PDE4B: variants seen among roughly 807,000 people sequenced by gnomAD.
The protein encoded by PDE4B is phosphodiesterase 4B.
Under a neutral mutation model 82.2 loss-of-function variants are expected in PDE4B, and 20 were observed. That is an observed-to-expected ratio of 0.24 (90% CI 0.17 to 0.35). The LOEUF is 0.35. Among genes scored for constraint, PDE4B ranks in the 10% least tolerant of loss-of-function variants. The pLI is 1.00. For missense variants in PDE4B, 655 were observed against 907.2 expected, an observed-to-expected ratio of 0.72 and a Z score of 3.57; for synonymous variants, 320 against 318.9, an observed-to-expected ratio of 1.00 and a Z score of -0.04.
intron 3 of PDE4B, among the ~76,000 whole-genome samples, chr1:66,152,712 T>G (rs1646428317): frequency 2.0e-5 from 3 of 151,386 alleles, no homozygotes; most frequent in Admixed American, 2.0e-4. Context: ...AGTTGTGGGA[T>G]CTGGCAAGTC....
At chr1:66,009,167 T>C (rs1042254518) in intron 3 of PDE4B, among the ~76,000 whole-genome samples, 4 of 152,194 alleles carry the variant, frequency 2.6e-5, no homozygotes, top group African/African-American at 9.6e-5. Flanking sequence ...TTTTTCTAAT[T>C]ACTCAGGTCA....
At chr1:66,256,861 T>C (rs1163554519) in intron 4 of PDE4B, among the ~76,000 whole-genome samples, 3 of 152,238 alleles carry the variant, frequency 2.0e-5, no homozygotes, top group Non-Finnish European at 4.4e-5. Context: ...GGCCTGATTT[T>C]GTGACTGTAG....
intron 8 of PDE4B, among the ~76,000 whole-genome samples, chr1:66,344,944 A>G (rs1364954052): frequency 6.6e-6 from 1 of 152,222 alleles, no homozygotes; most frequent in Non-Finnish European, 1.5e-5. Context: ...AGCATTAAAT[A>G]GCGTTATTCT....
intron 3 of PDE4B, among the ~76,000 whole-genome samples, chr1:65,945,206 G>A (rs1447084609): frequency 6.6e-6 from 1 of 151,918 alleles, no homozygotes; most frequent in Admixed American, 6.6e-5. Context: ...TTTCCCACTA[G>A]CACCTCAGTG....
At chr1:65,933,219 G>C (rs952982425) in intron 3 of PDE4B, among the ~76,000 whole-genome samples, 1 of 152,042 alleles carries the variant, frequency 6.6e-6, no homozygotes, top group Non-Finnish European at 1.5e-5. Flanking sequence ...AAAGTGATTT[G>C]TCATGTACAA....
intron 3 of PDE4B, among the ~76,000 whole-genome samples, chr1:66,048,575 G>T (rs1348711733): frequency 1.3e-5 from 2 of 152,002 alleles, no homozygotes; most frequent in East Asian, 3.9e-4. Flanking sequence ...ATAAACCACG[G>T]AACTTGTGGG....
rs530932815 is a variant in PDE4B, at chr1:66,013,262, C to A, written c.281+94427C>A. Among the ~76,000 whole-genome samples the A allele has an allele frequency of 2.6e-5, 4 of 152,032 alleles. No individual in the cohort carries two copies. The South Asian group carries it at 8.3e-4, about 32-fold the overall frequency. The stretch of plus-strand genomic sequence containing the variant: ...GTGAAATGATAACTGATTTTGCCAT[C>A]ATTTGAAAAAAAGGCAGAACCAAAG... On this transcript the variant is annotated intron_variant, in intron 3 of 16. Transcript: ENST00000341517.
At chr1:66,334,026 A>G (rs1379362148) in intron 8 of PDE4B, among the ~76,000 whole-genome samples, 1 of 152,186 alleles carries the variant, frequency 6.6e-6, no homozygotes, top group African/African-American at 2.4e-5. Flanking sequence ...TTGCTGTGTA[A>G]CTTCTCCAAA....
In PDE4B at chr1:66,106,102, G is replaced by T. The variant is rs2101036650; in HGVS notation, c.282-141358G>T. On this transcript the variant is annotated intron_variant, in intron 3 of 16. Coordinates refer to ENST00000341517, the MANE Select transcript of PDE4B (RefSeq NM_002600.4). ...TGTCATAGATAGCTCTTATTATTTT[G>T]AGATACATCCCATCAATACCTAATT... Among the ~76,000 whole-genome samples, 3 of 152,100 alleles carry T rather than the reference G, an allele frequency of 2.0e-5. No homozygotes were observed. The South Asian group carries it at 6.2e-4, about 32-fold the overall frequency.
intron 3 of PDE4B, among the ~76,000 whole-genome samples, chr1:66,213,578 C>G (rs1650229117): frequency 6.6e-6 from 1 of 152,106 alleles, no homozygotes; most frequent in African/African-American, 2.4e-5. Context: ...CATTTTTTTA[C>G]TTTTAGGATT....
intron 1 of PDE4B, among the ~76,000 whole-genome samples, chr1:65,887,239 T>TTTC (rs1245265742): frequency 7.5e-5 from 1 of 13,254 alleles, no homozygotes; most frequent in Non-Finnish European, 1.3e-4. Context: ...TCTTTCTTTC[T>TTTC]TTCTTTCTTT....
At chr1:65,954,529 G>GA (rs200746524) in intron 3 of PDE4B, among the ~76,000 whole-genome samples, 1,769 of 151,974 alleles carry the variant, frequency 0.012, 35 homozygotes, top group African/African-American at 0.04. Flanking sequence ...CATGATCTCA[G>GA]AAAAAAATTA....
At chr1:66,275,333 C>T (rs1049400545) in intron 7 of PDE4B, among the ~76,000 whole-genome samples, 4 of 152,134 alleles carry the variant, frequency 2.6e-5, no homozygotes, top group Non-Finnish European at 5.9e-5. Flanking sequence ...GGAAGCTTAG[C>T]AGGGAGTAGC....
chr1:66,224,663 G>A (rs1391204554), intron 3 of PDE4B, among the ~76,000 whole-genome samples: 1 of 152,194 alleles, frequency 6.6e-6, no homozygotes, highest in Non-Finnish European at 1.5e-5. Flanking sequence ...AGGTTGCAGT[G>A]AGCCGAGATT....
chr1:65,998,471 T>G lies in PDE4B; in HGVS notation c.281+79636T>G, dbSNP rs572919477. ...GGATTGCCATGTATTATTTTTATTT[T>G]GGAAAGGTACTTTGCAGGTCAGGTA... On this transcript the variant is annotated intron_variant, in intron 3 of 16. Coordinates refer to ENST00000341517, the MANE Select transcript of PDE4B (RefSeq NM_002600.4). 5.9e-5 allele frequency among the ~76,000 whole-genome samples: 9 copies of G among 152,064 alleles called. No homozygotes were observed. In the East Asian group the frequency reaches 1.7e-3, roughly 29 times the overall value.
intron 3 of PDE4B, among the ~76,000 whole-genome samples, chr1:66,054,078 G>A (rs546031504): frequency 6.6e-6 from 1 of 152,242 alleles, no homozygotes; most frequent in South Asian, 2.1e-4. Context: ...TGTTTCTCAT[G>A]CAGAAGGCGG....
chr1:66,340,608 T>C (rs905444067), intron 8 of PDE4B, among the ~76,000 whole-genome samples: 1 of 152,180 alleles, frequency 6.6e-6, no homozygotes, highest in South Asian at 2.1e-4. Flanking sequence ...TATAATTTTT[T>C]AATTAACTAT....
intron 1 of PDE4B, among the ~76,000 whole-genome samples, chr1:65,858,388 T>C (rs548370155): frequency 6.6e-6 from 1 of 152,336 alleles, no homozygotes; most frequent in Admixed American, 6.5e-5. Context: ...ACATACCTGA[T>C]TTATAATCTT....
intron 3 of PDE4B, among the ~76,000 whole-genome samples, chr1:66,230,557 G>GTGA (rs1361414579): frequency 6.6e-6 from 1 of 152,168 alleles, no homozygotes; most frequent in Non-Finnish European, 1.5e-5. Context: ...TGAAAGTTTT[G>GTGA]TGACATTTTC....
Sources: gnomAD v4.1 joint callset for allele counts (sites outside exome capture counted in the v4.1 genomes callset) on GRCh38, gnomAD v4.1.1 for gene constraint, MANE v1.5 for transcripts, NCBI Gene and HGNC (gene_info 2026-07-23, HGNC 2026-07-21) for gene names.